The following EML6 variants were observed in gnomAD, a reference collection of about 807,000 sequenced individuals.
EML6 encodes echinoderm microtubule-associated protein-like 6.
EML6 carries 154 observed loss-of-function variants against 240.1 expected under a neutral mutation model. The ratio of observed to expected loss-of-function variants is 0.64; its 90% CI spans 0.56 to 0.73. The LOEUF (loss-of-function observed/expected upper bound fraction) is 0.73, where lower values mean the gene tolerates loss of function less well. Among genes scored for constraint, EML6 ranks in the 30% least tolerant of loss-of-function variants. EML6 has a pLI of 0.00. For synonymous variants in EML6, 1,148 were observed against 899.0 expected, an observed-to-expected ratio of 1.28 and a Z score of -4.95; for missense variants, 2,964 against 2,474.6, an observed-to-expected ratio of 1.20 and a Z score of -4.20.
chr2:54,871,366 C>T (rs1049259560), intron 15 of EML6, 134 bp from the exon 16 acceptor site: 5 of 664,834 alleles, frequency 7.5e-6, no homozygotes, highest in Non-Finnish European at 1.3e-5. Flanking sequence ...TGAATTGTAG[C>T]AGATGATTTC....
chr2:54,967,059 T>C lies in EML6; in HGVS notation c.5553T>C (p.Thr1851=). The change falls in exon 39 of 42, where the codon ACT becomes ACC. Residue 1851 remains threonine, a synonymous_variant. Coordinates refer to ENST00000356458, the MANE Select transcript of EML6 (RefSeq NM_001039753.4). ...VHEVPLGKQV[T]EAVVIEKITW... ...AGGTCCCCCTGGGGAAGCAGGTAAC[T>C]GAAGCCGTGGTCATTGAGAAGATCA... The C allele has an allele frequency of 5.2e-6, 8 of 1,551,508 alleles. No individual in the cohort carries two copies. Among genetic ancestry groups the C allele is most frequent in the Non-Finnish European group, 7.0e-6 (8 of 1,146,872 alleles).
At chr2:54,817,224 AC>A (rs1668119617) in intron 4 of EML6, among the ~76,000 whole-genome samples, 1 of 152,238 alleles carries the variant, frequency 6.6e-6, no homozygotes. Context: ...GAAAATAGTC[AC>A]AAAATATGAT....
chr2:54,847,858 TTATAATC>T (rs1409001656), intron 9 of EML6, among the ~76,000 whole-genome samples: 1 of 152,178 alleles, frequency 6.6e-6, no homozygotes, highest in Non-Finnish European at 1.5e-5. Flanking sequence ...GTGAGGCTGT[TTATAATC>T]TAGTAATCTC....
intron 26 of EML6, among the ~76,000 whole-genome samples, chr2:54,927,526 C>A (rs997866101): frequency 3.9e-5 from 6 of 152,200 alleles, no homozygotes; most frequent in African/African-American, 1.4e-4. Context: ...ATGGCTCCCG[C>A]TGCAGCTGTT....
intron 14 of EML6, 140 bp from the exon 15 acceptor site, chr2:54,869,041 A>C (rs1469767157): frequency 1.8e-6 from 1 of 553,832 alleles, no homozygotes; most frequent in Admixed American, 3.0e-5. Flanking sequence ...ATCCTCATTT[A>C]AACATTGCTG....
rs573349789 is a variant in EML6, at chr2:54,950,321, C to T, written c.4084-329C>T. ...CTCACCCAGAGTGCCTGCCAAGGCA[C>T]AGACACAAAACTGCTAGGTACCCTT... On this transcript the variant is annotated intron_variant, in intron 29 of 41. Coordinates refer to ENST00000356458, the MANE Select transcript of EML6 (RefSeq NM_001039753.4). Among the ~76,000 whole-genome samples the T allele has an allele frequency of 3.3e-5, 5 of 152,334 alleles. No homozygotes were observed. In the South Asian group the frequency reaches 8.3e-4, roughly 25 times the overall value.
chr2:54,911,227 C>G (rs1673621490), intron 25 of EML6, among the ~76,000 whole-genome samples, 185 bp downstream of exon 25: 1 of 152,162 alleles, frequency 6.6e-6, no homozygotes. Flanking sequence ...ATTTATCACA[C>G]CACTGGTGTA....
At chr2:54,835,755 C>T (rs1184093929) in intron 7 of EML6, among the ~76,000 whole-genome samples, 4 of 152,042 alleles carry the variant, frequency 2.6e-5, no homozygotes, top group African/African-American at 4.8e-5. Context: ...TTTTGATTGT[C>T]GCAACTGCAG....
At chr2:54,915,662 A>C (rs778625897) in intron 25 of EML6, among the ~76,000 whole-genome samples, 1 of 152,092 alleles carries the variant, frequency 6.6e-6, no homozygotes, top group Non-Finnish European at 1.5e-5. Flanking sequence ...AATGTATAGC[A>C]CCTTACCACG....
At chr2:54,773,334 G>A (rs1032362067) in intron 2 of EML6, among the ~76,000 whole-genome samples, 2 of 152,270 alleles carry the variant, frequency 1.3e-5, no homozygotes, top group African/African-American at 2.4e-5. Context: ...ACTAGGACAA[G>A]TTTCAGAACT....
chr2:54,837,702 C>T (rs1395306052), intron 7 of EML6, among the ~76,000 whole-genome samples: 4 of 152,178 alleles, frequency 2.6e-5, no homozygotes, highest in African/African-American at 7.2e-5. Context: ...ATCTGACATG[C>T]AAGAACACAC....
intron 2 of EML6, among the ~76,000 whole-genome samples, chr2:54,804,554 C>G (rs566499048): frequency 2.2e-4 from 34 of 152,196 alleles, no homozygotes; most frequent in Non-Finnish European, 3.8e-4. Context: ...ATCAGACAAC[C>G]CTGCCCACTT....
chr2:54,801,812 T>A (rs1189450573), intron 2 of EML6, among the ~76,000 whole-genome samples: 1 of 152,268 alleles, frequency 6.6e-6, no homozygotes, highest in Non-Finnish European at 1.5e-5. Flanking sequence ...TGAGGCCCTA[T>A]GTATTAAAAC....
At chr2:54,903,231 C>T (rs912064973) in intron 23 of EML6, 35 bp downstream of exon 23, 1 of 1,543,756 alleles carries the variant, frequency 6.5e-7, no homozygotes, top group Non-Finnish European at 8.8e-7. Context: ...TAAAATAGCA[C>T]AGTCTTGGGA....
At chr2:54,967,396 C>T (rs917465765) in intron 39 of EML6, among the ~76,000 whole-genome samples, 5 of 152,158 alleles carry the variant, frequency 3.3e-5, no homozygotes, top group African/African-American at 1.2e-4. Context: ...TTGGCCAATC[C>T]TAGTGCACAG....
At chr2:54,847,089 G>A (rs1232430412) in intron 8 of EML6, among the ~76,000 whole-genome samples, 2 of 150,130 alleles carry the variant, frequency 1.3e-5, no homozygotes, top group African/African-American at 2.4e-5. Context: ...TGTATTTTTT[G>A]TAGAGTCTGT....
At chr2:54,962,241 C>T (rs1676554231) in intron 35 of EML6, among the ~76,000 whole-genome samples, 1 of 151,674 alleles carries the variant, frequency 6.6e-6, no homozygotes, top group Non-Finnish European at 1.5e-5. Context: ...TTAACTGTGG[C>T]CAAATAGACA....
At chr2:54,899,607 T>C in intron 21 of EML6, 34 bp from the exon 22 acceptor site, 1 of 1,548,024 alleles carries the variant, frequency 6.5e-7, no homozygotes, top group Middle Eastern at 1.7e-4. Flanking sequence ...ACAGCATAAG[T>C]AGAGTTTATG....
chr2:54,868,889 C>A, intron 14 of EML6: 1 of 310,426 alleles, frequency 3.2e-6, no homozygotes, highest in Non-Finnish European at 5.9e-6. Flanking sequence ...AATACCTGTG[C>A]CTCATCACAG....
Sources: allele counts gnomAD v4.1 joint callset (sites outside exome capture counted in the v4.1 genomes callset), GRCh38; gene constraint gnomAD v4.1.1; transcripts MANE v1.5; gene names NCBI Gene and HGNC (gene_info 2026-07-23, HGNC 2026-07-21).